MYH10: variants seen among roughly 807,000 people sequenced by gnomAD.
MYH10 encodes the protein myosin heavy chain 10, also known as myosin-10.
In MYH10, 55 loss-of-function variants were observed where a neutral mutation model predicts 257.8. The observed-to-expected ratio is 0.21, with a 90% CI of 0.17 to 0.27. The LOEUF is 0.27. Ranked by LOEUF, MYH10 falls within the 10% of genes least tolerant of loss-of-function variation. The pLI is 1.00. For synonymous variants in MYH10, 854 were observed against 921.7 expected (o/e 0.93, Z 1.33); for missense variants, 1,631 against 2,500.6 (o/e 0.65, Z 7.42).
rs769451294 is a variant in MYH10, at chr17:8,480,429, G to A, written c.5361C>T (p.Asn1787=). Residue 1787 remains asparagine, a synonymous_variant, in exon 39 of 43, where the codon AAC becomes AAT. Coordinates refer to ENST00000360416, the MANE Select transcript of MYH10 (RefSeq NM_001256012.3). The part of the protein sequence containing the change: ...EEEQSNMELL[N]DRFRKTTLQV... ...GTAGAGTGGTCTTGCGGAAGCGGTC[G>A]TTGAGCAGCTCCATGTTGCTCTGCT... 4.3e-5 allele frequency: 70 copies of A among 1,613,106 alleles called. No individual in the cohort carries two copies. The highest frequency in any genetic ancestry group is 4.0e-4 in the South Asian group (36 of 91,082).
intron 2 of MYH10, among the ~76,000 whole-genome samples, chr17:8,613,797 C>A (rs1456534298): frequency 6.6e-6 from 1 of 151,920 alleles, no homozygotes; most frequent in African/African-American, 2.4e-5. Flanking sequence ...ACAAAAATAA[C>A]CACCATAAGC....
intron 4 of MYH10, among the ~76,000 whole-genome samples, chr17:8,577,583 G>A (rs911256469): frequency 6.6e-6 from 1 of 152,126 alleles, no homozygotes; most frequent in African/African-American, 2.4e-5. Flanking sequence ...CCGGGCTGGA[G>A]TGCAGTGGCG....
At chr17:8,524,206 C>T (rs537977198) in intron 17 of MYH10, among the ~76,000 whole-genome samples, 45 of 151,902 alleles carry the variant, frequency 3.0e-4, no homozygotes, top group East Asian at 7.8e-4. Context: ...TTTAGGAGGC[C>T]GAGGCAGGAG....
chr17:8,551,927 C>A (rs1294568325), intron 9 of MYH10, 119 bp downstream of exon 9: 3 of 461,434 alleles, frequency 6.5e-6, no homozygotes, highest in Non-Finnish European at 1.1e-5. Context: ...ATGATTTAAC[C>A]AGCTGGAAAT....
chr17:8,548,859 A>G, intron 9 of MYH10, 72 bp from the exon 10 acceptor site: 1 of 1,360,036 alleles, frequency 7.4e-7, no homozygotes, highest in South Asian at 1.3e-5. Flanking sequence ...CTGCATTCAA[A>G]CTGTGCCAGT....
intron 7 of MYH10, chr17:8,561,342 A>T: frequency 8.6e-7 from 1 of 1,168,448 alleles, no homozygotes; most frequent in Non-Finnish European, 1.3e-6. Flanking sequence ...GCCATTAAGA[A>T]ATTCGTCATT....
chr17:8,480,576 A>T (rs6503120), intron 38 of MYH10, 51 bp from the exon 39 acceptor site: 3 of 1,596,944 alleles, frequency 1.9e-6, no homozygotes, highest in Admixed American at 1.7e-5. Flanking sequence ...AGCACAGCAC[A>T]GGAGCCTCAG....
At position 8,522,967 on chromosome 17, in the gene MYH10, CT is replaced by C. The variant is rs566292470; in HGVS notation, c.1958-1683del. Among the ~76,000 whole-genome samples, 135 of 152,360 alleles carry C rather than the reference CT, an allele frequency of 8.9e-4. 1 individual carries two copies. The highest frequency in any genetic ancestry group is 3.1e-3 in the African/African-American group (129 of 41,596). On this transcript the variant is annotated intron_variant, in intron 17 of 42. Coordinates refer to ENST00000360416, the MANE Select transcript of MYH10 (RefSeq NM_001256012.3). ...CCTGTACCCTACTTCCCCCTCACTA[CT>C]TCAGTCCCATGTTTCTTGATGATTT...
At chr17:8,550,257 G>C (rs1312249541) in intron 9 of MYH10, among the ~76,000 whole-genome samples, 4 of 151,796 alleles carry the variant, frequency 2.6e-5, no homozygotes, top group South Asian at 2.1e-4. Flanking sequence ...ACCTCTTCCC[G>C]GCCGCCATCA....
intron 1 of MYH10, among the ~76,000 whole-genome samples, chr17:8,626,571 TAATAATA>T (rs1192393637): frequency 2.3e-5 from 2 of 88,360 alleles, no homozygotes; most frequent in African/African-American, 4.6e-5. Flanking sequence ...TGTCTCAAAA[TAATAATA>T]AATAATAATA....
At chr17:8,487,409 G>T in intron 36 of MYH10, 24 bp downstream of exon 36, 1 of 1,613,346 alleles carries the variant, frequency 6.2e-7, no homozygotes, top group South Asian at 1.1e-5. Context: ...GCCATCCAGA[G>T]ACTCCATGGG....
Position 8,489,321 on chromosome 17 carries a change from A to G in MYH10, c.4884+1019T>C, listed in dbSNP as rs1915371420. Among the ~76,000 whole-genome samples, 3 of 152,212 alleles carry G rather than the reference A, an allele frequency of 2.0e-5. No homozygotes were observed. The South Asian group carries it at 6.2e-4, about 31-fold the overall frequency. On this transcript the variant is annotated intron_variant, in intron 35 of 42. Transcript: ENST00000360416. ...CAAAAATGTTGTCACAGTTTGCAAT[A>G]ATTTGTTAAGTTTGGGGTAATTTCT... is the stretch of plus-strand genomic sequence containing the variant.
chr17:8,508,741 C>T lies in MYH10; in HGVS notation c.3091-64G>A, dbSNP rs979414675. 53 of 1,593,644 alleles carry T rather than the reference C, an allele frequency of 3.3e-5. No homozygotes were observed. The Admixed American group carries it at 9.0e-4, about 27-fold the overall frequency. On this transcript the variant is annotated intron_variant, in intron 25 of 42. Coordinates refer to ENST00000360416, the MANE Select transcript of MYH10 (RefSeq NM_001256012.3). ...AGAATGACCACTTGGGTTCTGTATTCCTCATAAAGGTCAACTTTGACTCGA... is the reference window on the plus strand; with the variant it reads ...AGAATGACCACTTGGGTTCTGTATTTCTCATAAAGGTCAACTTTGACTCGA...
intron 3 of MYH10, among the ~76,000 whole-genome samples, chr17:8,595,589 C>T (rs1165731334): frequency 6.6e-6 from 1 of 152,022 alleles, no homozygotes; most frequent in African/African-American, 2.4e-5. Context: ...TTCGCCACCA[C>T]ACCCGGCTAA....
chr17:8,491,907 G>A (rs1915830874), intron 34 of MYH10, among the ~76,000 whole-genome samples: 1 of 152,204 alleles, frequency 6.6e-6, no homozygotes, highest in East Asian at 1.9e-4. Flanking sequence ...CCAGGTCAGA[G>A]GGAGCTGCCA....
chr17:8,581,387 A>G (rs145889442), intron 4 of MYH10, among the ~76,000 whole-genome samples: 1 of 151,994 alleles, frequency 6.6e-6, no homozygotes, highest in South Asian at 2.1e-4. Context: ...GACTTGTCTC[A>G]AATATAGTTA....
chr17:8,481,954 T>A (rs758255284), intron 37 of MYH10, among the ~76,000 whole-genome samples: 4 of 152,058 alleles, frequency 2.6e-5, no homozygotes, highest in Non-Finnish European at 5.9e-5. Context: ...GCCTCTAAGG[T>A]GGGCAAGGCC....
In MYH10 at chr17:8,577,519, T is replaced by C. The variant is rs1216903198; in HGVS notation, c.531-181A>G. ...AATCATCCTTGTAAGAGGTATTAAA[T>C]AATAAACCCAAATAATTCTTTTTTT... is the stretch of plus-strand genomic sequence containing the variant. On this transcript the variant is annotated intron_variant, in intron 4 of 42. Coordinates refer to ENST00000360416, the MANE Select transcript of MYH10 (RefSeq NM_001256012.3). 3.3e-5 allele frequency among the ~76,000 whole-genome samples: 5 copies of C among 152,180 alleles called. No individual in the cohort carries two copies. The East Asian group carries it at 9.6e-4, about 29-fold the overall frequency.
intron 30 of MYH10, among the ~76,000 whole-genome samples, chr17:8,497,922 G>A (rs1202322948): frequency 6.8e-6 from 1 of 147,490 alleles, no homozygotes; most frequent in African/African-American, 2.5e-5. Flanking sequence ...GGTATTATAA[G>A]TAATCTAGAG....
Sources: gnomAD v4.1 joint callset for allele counts (sites outside exome capture counted in the v4.1 genomes callset) on GRCh38, gnomAD v4.1.1 for gene constraint, MANE v1.5 for transcripts, NCBI Gene and HGNC (gene_info 2026-07-23, HGNC 2026-07-21) for gene names.